PPP1R14C: variants seen among roughly 807,000 people sequenced by gnomAD.
PPP1R14C encodes protein phosphatase 1 regulatory subunit 14C.
A neutral mutation model predicts 20.4 loss-of-function variants in PPP1R14C; 16 were observed. The observed-to-expected ratio is 0.78, with a 90% CI of 0.53 to 1.19. The LOEUF is 1.19. PPP1R14C is among the 50% of genes most tolerant of loss of function. PPP1R14C has a pLI of 0.00. For synonymous variants in PPP1R14C, 91 were observed against 91.0 expected, an observed-to-expected ratio of 1.00 and a Z score of 0.00; for missense variants, 211 against 220.1, an observed-to-expected ratio of 0.96 and a Z score of 0.26.
intron 1 of PPP1R14C, among the ~76,000 whole-genome samples, chr6:150,184,164 C>T (rs758150269): frequency 5.9e-5 from 9 of 152,274 alleles, no homozygotes; most frequent in South Asian, 2.1e-4. Context: ...TCCAAGTGCG[C>T]GTGGAGAACG....
intron 3 of PPP1R14C, among the ~76,000 whole-genome samples, chr6:150,240,638 G>C (rs1778421035): frequency 6.6e-6 from 1 of 152,196 alleles, no homozygotes. Context: ...TTGTTTGCGG[G>C]AGAGGACCTA....
intron 3 of PPP1R14C, among the ~76,000 whole-genome samples, chr6:150,218,406 A>C (rs1011071812): frequency 4.6e-5 from 7 of 151,806 alleles, no homozygotes; most frequent in African/African-American, 1.7e-4. Flanking sequence ...CCGTCTCAGA[A>C]AAAAAAAGAA....
chr6:150,202,646 C>T (rs1429912743), intron 1 of PPP1R14C, among the ~76,000 whole-genome samples: 1 of 152,222 alleles, frequency 6.6e-6, no homozygotes, highest in African/African-American at 2.4e-5. Flanking sequence ...CCCACACAGC[C>T]TGGCCTGGTC....
At chr6:150,198,726 C>T (rs116761680) in intron 1 of PPP1R14C, among the ~76,000 whole-genome samples, 1,806 of 152,300 alleles carry the variant, frequency 0.012, 29 homozygotes, top group African/African-American at 0.039. Flanking sequence ...CGGGCAGCCC[C>T]GCTGGCACTT....
At chr6:150,212,329 T>C (rs1778035657) in intron 1 of PPP1R14C, among the ~76,000 whole-genome samples, 1 of 152,154 alleles carries the variant, frequency 6.6e-6, no homozygotes, top group Non-Finnish European at 1.5e-5. Context: ...ATGCTTACCA[T>C]ATGGGACAGC....
chr6:150,238,867 G>A (rs1482676101), intron 3 of PPP1R14C, among the ~76,000 whole-genome samples: 2 of 152,218 alleles, frequency 1.3e-5, no homozygotes, highest in Non-Finnish European at 2.9e-5. Flanking sequence ...TTTTTGAACT[G>A]TAAAACCTCT....
chr6:150,225,003 C>A (rs757668373), intron 3 of PPP1R14C, among the ~76,000 whole-genome samples: 3 of 151,748 alleles, frequency 2.0e-5, no homozygotes, highest in Non-Finnish European at 4.4e-5. Context: ...GCCCCCATGC[C>A]CCTTTAGGTG....
intron 1 of PPP1R14C, among the ~76,000 whole-genome samples, chr6:150,168,024 TGCGGCC>T (rs1777449993): frequency 9.0e-5 from 1 of 11,122 alleles, no homozygotes; most frequent in African/African-American, 4.1e-4. Context: ...CCACCCTTTC[TGCGGCC>T]CCTCCCCTCC....
chr6:150,164,944 C>T (rs773592858), intron 1 of PPP1R14C, among the ~76,000 whole-genome samples: 27 of 152,256 alleles, frequency 1.8e-4, no homozygotes, highest in Non-Finnish European at 3.8e-4. Flanking sequence ...TTTCTCTGCA[C>T]TCCATCATGG....
intron 1 of PPP1R14C, among the ~76,000 whole-genome samples, chr6:150,208,390 G>A (rs955926761): frequency 2.0e-5 from 3 of 152,070 alleles, no homozygotes; most frequent in Non-Finnish European, 4.4e-5. Context: ...TATCCCCAGT[G>A]TTCTGACATT....
In PPP1R14C at chr6:150,143,075, C is replaced by T; in HGVS notation, c.-118C>T. On this transcript the variant is annotated 5_prime_UTR_variant, in exon 1 of 4. Transcript: ENST00000361131. The surrounding 1 kb of genome is among the most constrained non-coding windows in gnomAD (Gnocchi z 5.6). ...GCCGGGCGGCTGGGCGCGCGCGGCG[C>T]AGAGCAGGTGCCGGGGAGCCCTTCG... The T allele has an allele frequency of 9.1e-7, 1 of 1,099,390 alleles. No individual in the cohort carries two copies. Among genetic ancestry groups the T allele is most frequent in the Non-Finnish European group, 1.1e-6 (1 of 908,136 alleles). The allele number at this position is 1,099,390 out of a possible 1,614,324, so 68.1% of individuals were successfully genotyped here. A position where few individuals can be genotyped will look rare whatever the true frequency, so the allele number is the denominator to read the frequency against.
intron 3 of PPP1R14C, among the ~76,000 whole-genome samples, chr6:150,233,227 C>T (rs944293558): frequency 7.2e-5 from 11 of 151,936 alleles, no homozygotes; most frequent in African/African-American, 2.2e-4. Flanking sequence ...GGTGGGAGTG[C>T]AAAAAGGGGA....
At chr6:150,223,082 A>G (rs1218546776) in intron 3 of PPP1R14C, among the ~76,000 whole-genome samples, 1 of 152,150 alleles carries the variant, frequency 6.6e-6, no homozygotes, top group African/African-American at 2.4e-5. Context: ...AATGGCTTTT[A>G]AAAAATGTGA....
intron 3 of PPP1R14C, among the ~76,000 whole-genome samples, chr6:150,246,971 G>A (rs1562279287): frequency 6.6e-6 from 1 of 152,242 alleles, no homozygotes; most frequent in African/African-American, 2.4e-5. Context: ...TATATTAATA[G>A]CAGTTAATTC....
At chr6:150,232,861 T>A (rs1778310079) in intron 3 of PPP1R14C, among the ~76,000 whole-genome samples, 1 of 152,262 alleles carries the variant, frequency 6.6e-6, no homozygotes, top group East Asian at 1.9e-4. Context: ...CTTGAATATT[T>A]GTATTTGACT....
At chr6:150,216,485 A>C (rs887815713) in intron 2 of PPP1R14C, among the ~76,000 whole-genome samples, 4 of 152,058 alleles carry the variant, frequency 2.6e-5, no homozygotes, top group Admixed American at 2.6e-4. Flanking sequence ...ACAGAGCGAG[A>C]TTCTGTCTCA....
At position 150,201,242 on chromosome 6, in the gene PPP1R14C, C is replaced by T. The variant is rs986532582; in HGVS notation, c.307-13502C>T. ...GCTATCCCAGGCACTGCTCTTGGTC[C>T]TCCAGTATGGGGAGGCAGACTGAGA... On this transcript the variant is annotated intron_variant, in intron 1 of 3. Coordinates refer to ENST00000361131, the MANE Select transcript of PPP1R14C (RefSeq NM_030949.3). This position sits in a 1 kb window ranked among gnomAD's most constrained non-coding sequence, Gnocchi z 4.2. Among the ~76,000 whole-genome samples the T allele has an allele frequency of 6.6e-6, 1 of 152,188 alleles. No individual in the cohort carries two copies. Among genetic ancestry groups the T allele is most frequent in the East Asian group, 1.9e-4 (1 of 5,204 alleles).
chr6:150,206,104 C>T (rs1300312886), intron 1 of PPP1R14C, among the ~76,000 whole-genome samples: 5 of 152,136 alleles, frequency 3.3e-5, no homozygotes. Context: ...GGGCTCCTGG[C>T]AGCTTCTTAG....
intron 1 of PPP1R14C, among the ~76,000 whole-genome samples, chr6:150,174,093 C>T (rs536689784): frequency 7.3e-6 from 1 of 136,912 alleles, no homozygotes; most frequent in Non-Finnish European, 1.5e-5. Flanking sequence ...AGACATGATG[C>T]TTTGATAGGT....
Sources: allele counts gnomAD v4.1 joint callset (sites outside exome capture counted in the v4.1 genomes callset), GRCh38; gene constraint gnomAD v4.1.1; non-coding constraint Gnocchi (gnomAD v3.1); transcripts MANE v1.5; gene names NCBI Gene and HGNC (gene_info 2026-07-23, HGNC 2026-07-21).